RPS6KA2: variants seen among roughly 807,000 people sequenced by gnomAD.
RPS6KA2 encodes ribosomal protein S6 kinase alpha-2.
Under a neutral mutation model 91.8 loss-of-function variants are expected in RPS6KA2, and 42 were observed. The ratio of observed to expected loss-of-function variants is 0.46; its 90% CI spans 0.36 to 0.59. The LOEUF (loss-of-function observed/expected upper bound fraction) is 0.59. Among genes scored for constraint, RPS6KA2 ranks in the 20% least tolerant of loss-of-function variants. The pLI, the probability that RPS6KA2 is intolerant of heterozygous loss-of-function variation, is 0.00. For missense variants in RPS6KA2, 798 were observed against 978.5 expected, an observed-to-expected ratio of 0.82 and a Z score of 2.46; for synonymous variants, 414 against 393.6, an observed-to-expected ratio of 1.05 and a Z score of -0.61.
intron 2 of RPS6KA2, among the ~76,000 whole-genome samples, chr6:166,829,487 A>G (rs1780125055): frequency 6.7e-6 from 1 of 149,598 alleles, no homozygotes; most frequent in African/African-American, 2.5e-5. Flanking sequence ...GCTACTCCAG[A>G]GGCTAAGGAA....
chr6:166,417,701 A>G (rs1778585772), intron 19 of RPS6KA2, among the ~76,000 whole-genome samples: 1 of 152,168 alleles, frequency 6.6e-6, no homozygotes, highest in Admixed American at 6.6e-5. Flanking sequence ...TAAGATACCA[A>G]GATAGTGGAA....
At chr6:166,675,080 T>C (rs76849893) in intron 2 of RPS6KA2, among the ~76,000 whole-genome samples, 3,918 of 152,318 alleles carry the variant, frequency 0.026, 156 homozygotes, top group African/African-American at 0.087. Flanking sequence ...GTTCTCAGGT[T>C]CTTCTGTTCT....
chr6:166,549,567 T>C (rs1783932335), intron 1 of RPS6KA2, among the ~76,000 whole-genome samples: 1 of 152,184 alleles, frequency 6.6e-6, no homozygotes, highest in Non-Finnish European at 1.5e-5. Flanking sequence ...TTATACAATG[T>C]ATGATTCCAT....
At position 166,500,464 on chromosome 6, in the gene RPS6KA2, C is replaced by A. The variant is rs1372351336; in HGVS notation, c.604+423G>T. Among the ~76,000 whole-genome samples, 1 of 152,160 alleles carries A rather than the reference C, an allele frequency of 6.6e-6. No individual in the cohort carries two copies. Among genetic ancestry groups the A allele is most frequent in the Admixed American group, 6.5e-5 (1 of 15,274 alleles). ...GAGGCAGGGACAGCATCAGTGAGGG[C>A]AGCAGTGCAGGCCGCACTCCAGCGA... On this transcript the variant is annotated intron_variant, in intron 7 of 20. Transcript: ENST00000265678. This position sits in a 1 kb window ranked among gnomAD's most constrained non-coding sequence, Gnocchi z 4.3.
At chr6:166,695,757 A>T (rs1399868907) in intron 2 of RPS6KA2, among the ~76,000 whole-genome samples, 1 of 150,448 alleles carries the variant, frequency 6.6e-6, no homozygotes, top group Non-Finnish European at 1.5e-5. Context: ...TCACAGGAGC[A>T]CTGGATTCTC....
At chr6:166,692,077 G>A (rs1348876129) in intron 2 of RPS6KA2, among the ~76,000 whole-genome samples, 1 of 152,076 alleles carries the variant, frequency 6.6e-6, no homozygotes, top group South Asian at 2.1e-4. Context: ...ATTCACAAGC[G>A]TGCATTAAAA....
At chr6:166,501,661 C>T (rs573966754) in intron 6 of RPS6KA2, among the ~76,000 whole-genome samples, 73 of 152,322 alleles carry the variant, frequency 4.8e-4, no homozygotes, top group African/African-American at 1.7e-3. Context: ...TGGGTGCAGG[C>T]ATAAATCCCT....
At chr6:166,475,022 G>A (rs1022218755) in intron 10 of RPS6KA2, among the ~76,000 whole-genome samples, 5 of 152,152 alleles carry the variant, frequency 3.3e-5, no homozygotes, top group African/African-American at 4.8e-5. Flanking sequence ...TCTATTCTTT[G>A]AAGTCCCTGG....
In RPS6KA2 at chr6:166,732,012, A is replaced by T. The variant is rs1226663293; in HGVS notation, c.123+126188T>A. Among the ~76,000 whole-genome samples, 1 of 152,192 alleles carries T rather than the reference A, an allele frequency of 6.6e-6. No homozygotes were observed. The highest frequency in any genetic ancestry group is 2.4e-5 in the African/African-American group (1 of 41,444). ...AAAGTAGATGGAAAGGCCTCATAGA[A>T]ATTTTTTATTAGTGGTGGCTACTGA... is the stretch of plus-strand genomic sequence containing the variant. On this transcript the variant is annotated intron_variant, in intron 2 of 21. Transcript: ENST00000503859. The surrounding 1 kb of genome is among the most constrained non-coding windows in gnomAD (Gnocchi z 4.0).
rs1341075223 is a variant in RPS6KA2, at chr6:166,430,726, C to T, written c.1423-115G>A. 4 of 1,052,636 alleles carry T rather than the reference C, an allele frequency of 3.8e-6. No individual in the cohort carries two copies. The South Asian group carries it at 6.9e-5, about 18-fold the overall frequency. The allele number at this position is 1,052,636 out of a possible 1,614,324, so 65.2% of individuals were successfully genotyped here. A position where few individuals can be genotyped will look rare whatever the true frequency, so the allele number is the denominator to read the frequency against. On this transcript the variant is annotated intron_variant, in intron 15 of 20. Transcript: ENST00000265678. ...AGGGGAGAGGCTGGGACCACAGGGTCCTATGGGAGTGCAAACAAGGCTTCT... is the reference window on the plus strand; with the variant it reads ...AGGGGAGAGGCTGGGACCACAGGGTTCTATGGGAGTGCAAACAAGGCTTCT...
intron 2 of RPS6KA2, among the ~76,000 whole-genome samples, chr6:166,536,632 TC>T: frequency 6.6e-6 from 1 of 152,152 alleles, no homozygotes; most frequent in East Asian, 1.9e-4. Context: ...GACCTAAGCC[TC>T]CCTTCCCACG....
intron 1 of RPS6KA2, among the ~76,000 whole-genome samples, chr6:166,625,136 T>C (rs1178471734): frequency 2.0e-5 from 3 of 152,288 alleles, no homozygotes; most frequent in Middle Eastern, 6.8e-3. Flanking sequence ...CCGGCCATTA[T>C]TGACCATCTT....
intron 2 of RPS6KA2, among the ~76,000 whole-genome samples, chr6:166,807,406 A>C (rs1453835917): frequency 6.6e-6 from 1 of 151,830 alleles, no homozygotes; most frequent in Non-Finnish European, 1.5e-5. Flanking sequence ...CCACTTCCCT[A>C]GTGACCTACC....
At position 166,508,927 on chromosome 6, in the gene RPS6KA2, C is replaced by T. The variant is rs1037516102; in HGVS notation, c.380-645G>A. Among the ~76,000 whole-genome samples the T allele has an allele frequency of 8.5e-5, 13 of 152,160 alleles. No homozygotes were observed. The highest frequency in any genetic ancestry group is 2.0e-4 in the Admixed American group (3 of 15,278). ...CAAGGGCCTGCCTCTGTTGAGCGGG[C>T]GCATGAGCACGGGAGGGTCTAGAGA... On this transcript the variant is annotated intron_variant, in intron 4 of 20. Transcript: ENST00000265678. The surrounding 1 kb of genome is among the most constrained non-coding windows in gnomAD (Gnocchi z 4.3).
chr6:166,687,899 C>G (rs1789075004), intron 2 of RPS6KA2, among the ~76,000 whole-genome samples: 1 of 152,142 alleles, frequency 6.6e-6, no homozygotes, highest in African/African-American at 2.4e-5. Flanking sequence ...GGAGTGAGAC[C>G]TGGAAGATAT....
At chr6:166,468,856 T>TCCGCCAAAAAAAA (rs567161437) in intron 11 of RPS6KA2, among the ~76,000 whole-genome samples, 3 of 112,170 alleles carry the variant, frequency 2.7e-5, no homozygotes, top group East Asian at 4.8e-4. Flanking sequence ...AGAGCGAGAC[T>TCCGCCAAAAAAAA]AAAAAAAAAA....
At chr6:166,589,827 AG>A (rs1785299844) in intron 1 of RPS6KA2, among the ~76,000 whole-genome samples, 1 of 152,212 alleles carries the variant, frequency 6.6e-6, no homozygotes, top group Non-Finnish European at 1.5e-5. Flanking sequence ...TCTAACTCCT[AG>A]ATTTGATATA....
intron 11 of RPS6KA2, among the ~76,000 whole-genome samples, chr6:166,461,234 C>A (rs1017325368): frequency 6.6e-6 from 1 of 152,118 alleles, no homozygotes; most frequent in Non-Finnish European, 1.5e-5. Context: ...TCATTAGCAC[C>A]GAGTTACTCT....
chr6:166,644,742 C>T (rs1323369684), intron 2 of RPS6KA2, among the ~76,000 whole-genome samples: 1 of 152,226 alleles, frequency 6.6e-6, no homozygotes, highest in Non-Finnish European at 1.5e-5. Flanking sequence ...CCTTGAAGTC[C>T]TAACCCCTAG....
Sources: gnomAD v4.1 joint callset for allele counts (sites outside exome capture counted in the v4.1 genomes callset) on GRCh38, gnomAD v4.1.1 for gene constraint, Gnocchi (gnomAD v3.1) non-coding constraint, MANE v1.5 for transcripts, NCBI Gene and HGNC (gene_info 2026-07-23, HGNC 2026-07-21) for gene names.